Variants in SNW1 observed in about 807,000 individuals in gnomAD.
SNW1 encodes SNW domain-containing protein 1.
A neutral mutation model predicts 75.6 loss-of-function variants in SNW1; 9 were observed. The observed-to-expected ratio is 0.12, with a 90% CI of 0.07 to 0.21. The LOEUF (loss-of-function observed/expected upper bound fraction) is 0.21, where lower values mean the gene tolerates loss of function less well. Ranked by LOEUF, SNW1 falls within the 10% of genes least tolerant of loss-of-function variation. The pLI is 1.00. For synonymous variants in SNW1, 200 were observed against 219.1 expected (o/e 0.91, Z 0.77); for missense variants, 409 against 670.9 (o/e 0.61, Z 4.31).
Position 77,718,451 on chromosome 14 carries a change from A to G in SNW1, c.1328T>C (p.Met443Thr), listed in dbSNP as rs746741439. The change falls in exon 13 of 14, where the codon ATG becomes ACG. Residue 443 changes from methionine (M) to threonine (T), a missense_variant. By Grantham distance (81) the Met-to-Thr change is moderately conservative. Transcript: ENST00000261531. The stretch of plus-strand genomic sequence containing the variant: ...ACTGGGCCTATAAATACTCTGGGCC[A>G]TATCTTTACCACCTCTCCAGGCTTG... ...YDQAWRGGKDMAQSIYRPSKN... is the reference protein window; with the variant it reads ...YDQAWRGGKDTAQSIYRPSKN... 3.2e-5 allele frequency: 52 copies of G among 1,613,888 alleles called. No homozygotes were observed. The highest frequency in any genetic ancestry group is 4.2e-5 in the Non-Finnish European group (50 of 1,179,894).
intron 10 of SNW1, among the ~76,000 whole-genome samples, chr14:77,730,315 A>C (rs1195640834): frequency 6.6e-6 from 1 of 152,224 alleles, no homozygotes; most frequent in African/African-American, 2.4e-5. Context: ...CAGAATGTTG[A>C]CTGTTATATC....
Position 77,720,720 on chromosome 14 carries a change from G to C in SNW1, c.1239C>G (p.Asn413Lys). ...NEVQYDQRLFNQSKGMDSGFA... is the reference protein window; with the variant it reads ...NEVQYDQRLFKQSKGMDSGFA... ...GTTCCTAAACTTGTACCTTGGATTGGTTGAAGAGCCTTTGGTCATACTGAA... is the reference window on the plus strand; with the variant it reads ...GTTCCTAAACTTGTACCTTGGATTGCTTGAAGAGCCTTTGGTCATACTGAA... The change falls in exon 12 of 14, where the codon AAC (asparagine) becomes AAG (lysine). Residue 413 changes from asparagine to lysine, a missense_variant. Around this residue, in one of 9 missense-constraint regions of SNW1, gnomAD observed 126 missense variants for 167.6 expected, o/e 0.75. Coordinates refer to ENST00000261531, the MANE Select transcript of SNW1 (RefSeq NM_012245.3). The C allele has an allele frequency of 6.2e-7, 1 of 1,607,834 alleles. No homozygotes were observed. The highest frequency in any genetic ancestry group is 1.1e-5 in the South Asian group (1 of 90,868).
chr14:77,737,308 CTCA>C (rs1398540062), intron 5 of SNW1, among the ~76,000 whole-genome samples: 1 of 152,002 alleles, frequency 6.6e-6, no homozygotes, highest in Non-Finnish European at 1.5e-5. Flanking sequence ...ATAACCCATC[CTCA>C]TATGTTTTCC....
At position 77,718,427 on chromosome 14, in the gene SNW1, C is replaced by T. The variant is rs767663914; in HGVS notation, c.1352G>A (p.Ser451Asn). 5 of 1,614,062 alleles carry T rather than the reference C, an allele frequency of 3.1e-6. No individual in the cohort carries two copies. The highest frequency in any genetic ancestry group is 4.2e-6 in the Non-Finnish European group (5 of 1,179,956). The change falls in exon 13 of 14, where the codon AGT becomes AAT. Residue 451 changes from serine (S) to asparagine (N), a missense_variant. By Grantham distance (46) the Ser-to-Asn change is conservative (BLOSUM62 1). Transcript: ENST00000261531. Reference protein sequence around the residue: ...KDMAQSIYRPSKNLDKDMYGD... With the variant: ...KDMAQSIYRPNKNLDKDMYGD... ...ATACATGTCCTTGTCCAGATTTTTA[C>T]TGGGCCTATAAATACTCTGGGCCAT...
At chr14:77,729,889 G>A (rs1483651345) in intron 10 of SNW1, among the ~76,000 whole-genome samples, 3 of 152,050 alleles carry the variant, frequency 2.0e-5, no homozygotes, top group Admixed American at 6.5e-5. Flanking sequence ...CTTTTCACTT[G>A]TAGTAAAAGC....
intron 3 of SNW1, among the ~76,000 whole-genome samples, chr14:77,747,311 G>A (rs1257438363): frequency 2.6e-5 from 4 of 152,286 alleles, no homozygotes; most frequent in Admixed American, 6.5e-5. Flanking sequence ...CCAAAGTGCC[G>A]AGACTGCAGC....
intron 3 of SNW1, among the ~76,000 whole-genome samples, chr14:77,741,140 A>G (rs1212948202): frequency 6.6e-6 from 1 of 151,600 alleles, no homozygotes; most frequent in Non-Finnish European, 1.5e-5. Flanking sequence ...GCTTTATAAT[A>G]ATGACTGGAG....
intron 2 of SNW1, among the ~76,000 whole-genome samples, chr14:77,752,914 G>A (rs1195686209): frequency 6.6e-6 from 1 of 152,166 alleles, no homozygotes; most frequent in East Asian, 1.9e-4. Flanking sequence ...TTGTAAATGA[G>A]AAAGAGTTAA....
intron 7 of SNW1, 58 bp downstream of exon 7, chr14:77,735,879 T>C: frequency 7.6e-7 from 1 of 1,316,280 alleles, no homozygotes; most frequent in Non-Finnish European, 1.1e-6. Flanking sequence ...AGGGAGGTTA[T>C]CTATAAAATT....
intron 5 of SNW1, 53 bp from the exon 6 acceptor site, chr14:77,737,128 G>C: frequency 7.8e-7 from 1 of 1,276,406 alleles, no homozygotes; most frequent in Non-Finnish European, 1.1e-6. Flanking sequence ...CTTTCAGTAG[G>C]TATTTTCCTT....
At chr14:77,743,089 G>A (rs1303019024) in intron 3 of SNW1, among the ~76,000 whole-genome samples, 1 of 151,890 alleles carries the variant, frequency 6.6e-6, no homozygotes, top group East Asian at 2.0e-4. Flanking sequence ...GTCAGGCGTG[G>A]TGGCACATGC....
chr14:77,760,081 T>C (rs2080875083), intron 1 of SNW1, among the ~76,000 whole-genome samples: 1 of 152,198 alleles, frequency 6.6e-6, no homozygotes, highest in African/African-American at 2.4e-5. Context: ...AATGCACATT[T>C]TGTGTTCTGT....
intron 12 of SNW1, among the ~76,000 whole-genome samples, chr14:77,719,017 G>A (rs1234380360): frequency 6.6e-6 from 1 of 152,118 alleles, no homozygotes; most frequent in Non-Finnish European, 1.5e-5. Flanking sequence ...GTGCTCAGGT[G>A]TTCCTCCCAC....
rs1390525025 is a variant in SNW1, at chr14:77,718,400, C to T, written c.1379G>A (p.Gly460Asp). The T allele has an allele frequency of 6.2e-7, 1 of 1,614,050 alleles. No individual in the cohort carries two copies. Among genetic ancestry groups the T allele is most frequent in the Non-Finnish European group, 8.5e-7 (1 of 1,180,026 alleles). ...CTTTATTCTGGCTTCTAGGTCATCA[C>T]CATACATGTCCTTGTCCAGATTTTT... is the stretch of plus-strand genomic sequence containing the variant. ...PSKNLDKDMYGDDLEARIKTN... is the reference protein window; with the variant it reads ...PSKNLDKDMYDDDLEARIKTN... Residue 460 changes from glycine (G) to aspartate (D), a missense_variant, in exon 13 of 14, where the codon GGT (glycine) becomes GAT (aspartate). By Grantham distance (94) the Gly-to-Asp change is moderately conservative. This residue lies in a region of SNW1 where 126 missense variants were observed against 167.6 expected (regional missense o/e 0.75). Transcript: ENST00000261531.
chr14:77,731,822 T>G (rs1474703011), intron 9 of SNW1, among the ~76,000 whole-genome samples: 1 of 152,172 alleles, frequency 6.6e-6, no homozygotes, highest in East Asian at 1.9e-4. Flanking sequence ...CACTGCAACC[T>G]CCACCTCCTG....
chr14:77,756,031 G>A (rs921734805), intron 1 of SNW1, among the ~76,000 whole-genome samples: 5 of 152,070 alleles, frequency 3.3e-5, no homozygotes, highest in Non-Finnish European at 7.4e-5. Context: ...GAACCACCAC[G>A]CCCAGCCTGT....
intron 3 of SNW1, among the ~76,000 whole-genome samples, chr14:77,743,184 C>T (rs1028368055): frequency 4.0e-5 from 6 of 150,506 alleles, no homozygotes; most frequent in African/African-American, 1.5e-4. Flanking sequence ...GAGATCGTGC[C>T]ATTGCACCCC....
At chr14:77,720,141 G>A (rs176964) in intron 12 of SNW1, among the ~76,000 whole-genome samples, 99,490 of 152,162 alleles carry the variant, frequency 0.65, 32,833 homozygotes, top group African/African-American at 0.72. Context: ...AAAAACCCAA[G>A]AGGCACTTTT....
At chr14:77,747,285 C>T (rs1207789248) in intron 3 of SNW1, among the ~76,000 whole-genome samples, 1 of 152,106 alleles carries the variant, frequency 6.6e-6, no homozygotes, top group Non-Finnish European at 1.5e-5. Context: ...ACCTCCCAGC[C>T]GCCTGCCTTG....
Sources: gnomAD v4.1 joint callset for allele counts (sites outside exome capture counted in the v4.1 genomes callset) on GRCh38, gnomAD v4.1.1 for gene constraint, gnomAD v4.1.1 regional missense constraint, MANE v1.5 for transcripts, NCBI Gene and HGNC (gene_info 2026-07-23, HGNC 2026-07-21) for gene names.